PGM3: variants seen among roughly 807,000 people sequenced by gnomAD.
PGM3 encodes phosphoglucomutase 3, also known as phosphoacetylglucosamine mutase.
PGM3 carries 40 observed loss-of-function variants against 66.2 expected under a neutral mutation model. The ratio of observed to expected loss-of-function variants is 0.60; its 90% CI spans 0.47 to 0.79. The LOEUF (loss-of-function observed/expected upper bound fraction) is 0.79. PGM3 is among the 30% of genes least tolerant of loss of function. The probability of loss-of-function intolerance (pLI) is 0.00; values close to 1 mark genes in which losing one functional copy is unlikely to be tolerated. For synonymous variants in PGM3, 191 were observed against 224.2 expected, an observed-to-expected ratio of 0.85 and a Z score of 1.32; for missense variants, 537 against 643.4, an observed-to-expected ratio of 0.83 and a Z score of 1.79.
downstream of PGM3, among the ~76,000 whole-genome samples, chr6:83,161,699 T>C (rs1455215068): frequency 6.6e-6 from 1 of 152,194 alleles, no homozygotes; most frequent in Non-Finnish European, 1.5e-5. Context: ...TCCTTTTACT[T>C]TTAGTAACAG....
chr6:83,176,369 T>C (rs1284209677), intron 8 of PGM3, among the ~76,000 whole-genome samples: 1 of 152,192 alleles, frequency 6.6e-6, no homozygotes, highest in African/African-American at 2.4e-5. Flanking sequence ...GTGTGGAGAA[T>C]AGCTTAGAGC....
At chr6:83,190,698 G>A (rs1788976695) in intron 2 of PGM3, 111 bp downstream of exon 2, 2 of 832,858 alleles carry the variant, frequency 2.4e-6, no homozygotes, top group African/African-American at 1.7e-5. Context: ...ACATATAAAT[G>A]AGAAGGCACA....
At chr6:83,150,849 A>G in the PGM3 span, among the ~76,000 whole-genome samples, 1 of 152,206 alleles carries the variant, frequency 6.6e-6, no homozygotes, top group Non-Finnish European at 1.5e-5. Flanking sequence ...TACACAAATA[A>G]TTAGTACACA....
chr6:83,177,890 T>C (rs187826503), intron 8 of PGM3, among the ~76,000 whole-genome samples: 3 of 152,208 alleles, frequency 2.0e-5, no homozygotes, highest in South Asian at 2.1e-4. Flanking sequence ...CTTACCCTCA[T>C]GTTTCCTCTC....
intron 11 of PGM3, chr6:83,170,908 G>A (rs2128480699): frequency 6.3e-6 from 1 of 158,350 alleles, no homozygotes. Context: ...TGGTGAATGT[G>A]TAAACTGGCA....
Position 83,168,359 on chromosome 6 carries a change from A to G in PGM3, c.*875T>C. 1 of 1,395,978 alleles carries G rather than the reference A, an allele frequency of 7.2e-7. No individual in the cohort carries two copies. The highest frequency in any genetic ancestry group is 9.3e-7 in the Non-Finnish European group (1 of 1,079,240). The allele number at this position is 1,395,978 out of a possible 1,614,324, so 86.5% of individuals were successfully genotyped here. On this transcript the variant is annotated 3_prime_UTR_variant, in exon 13 of 13. Coordinates refer to ENST00000513973, the MANE Select transcript of PGM3 (RefSeq NM_015599.3). The stretch of plus-strand genomic sequence containing the variant: ...AATCAAGTTTAAATATTGTTGGCTC[A>G]TACTGATTATGGTGCCTAAGAGAGC...
chr6:83,168,238 G>A lies in PGM3; in HGVS notation c.*996C>T, dbSNP rs1786333578. 3.3e-6 allele frequency: 5 copies of A among 1,494,340 alleles called. No homozygotes were observed. Among genetic ancestry groups the A allele is most frequent in the Non-Finnish European group, 2.7e-6 (3 of 1,130,110 alleles). 92.6% of individuals were successfully genotyped at this position (1,494,340 alleles called of 1,614,324 possible). Reference sequence around the variant, plus strand: ...TAAAACACACACACTGCTCTGCGTTGTATAGTTTTTCCTTTTTTGTATGTA... The same window carrying A: ...TAAAACACACACACTGCTCTGCGTTATATAGTTTTTCCTTTTTTGTATGTA... On this transcript the variant is annotated 3_prime_UTR_variant, in exon 13 of 13. Coordinates refer to ENST00000513973, the MANE Select transcript of PGM3 (RefSeq NM_015599.3).
downstream of PGM3, among the ~76,000 whole-genome samples, chr6:83,159,498 C>G (rs887348838): frequency 6.6e-6 from 1 of 151,928 alleles, no homozygotes; most frequent in Non-Finnish European, 1.5e-5. Context: ...ATCATGTTGC[C>G]CAGGCTGGTC....
chr6:83,177,239 T>C (rs577430483), intron 8 of PGM3, among the ~76,000 whole-genome samples: 15 of 152,034 alleles, frequency 9.9e-5, no homozygotes, highest in East Asian at 7.7e-4. Flanking sequence ...AAAACTAGTA[T>C]AAATGCCAGA....
At chr6:83,156,226 A>AT (rs1191819773), downstream of PGM3, 8 of 718,246 alleles carry the variant, frequency 1.1e-5, no homozygotes, top group Non-Finnish European at 1.7e-5. Context: ...GGAATTAGAA[A>AT]TTTTTCTACT....
chr6:83,166,416 C>T lies in PGM3; in HGVS notation c.*2818G>A, dbSNP rs1056919281. The T allele has an allele frequency of 1.7e-5, 12 of 702,020 alleles. No homozygotes were observed. The African/African-American group carries it at 1.9e-4, about 11-fold the overall frequency. The allele number at this position is 702,020 out of a possible 1,614,324, so 43.5% of individuals were successfully genotyped here. A position where few individuals can be genotyped will look rare whatever the true frequency, so the allele number is the denominator to read the frequency against. ...GGCACTGTATGTTCATTAGCAGTTC[C>T]TGGGCCAAATGCATTGTTGATGTTG... On this transcript the variant is annotated 3_prime_UTR_variant, in exon 13 of 13. Coordinates refer to ENST00000513973, the MANE Select transcript of PGM3 (RefSeq NM_015599.3).
chr6:83,182,332 C>G (rs1351992305), intron 5 of PGM3, among the ~76,000 whole-genome samples: 2 of 151,928 alleles, frequency 1.3e-5, no homozygotes, highest in African/African-American at 4.8e-5. Context: ...TGTTTTTTTT[C>G]TAATTGTCTC....
downstream of PGM3, among the ~76,000 whole-genome samples, chr6:83,156,326 T>C (rs761821437): frequency 6.6e-6 from 1 of 152,216 alleles, no homozygotes; most frequent in Non-Finnish European, 1.5e-5. Context: ...TTTTATTGTT[T>C]AGTTCAAATT....
chr6:83,158,170 G>A (rs1783269314), downstream of PGM3, among the ~76,000 whole-genome samples: 1 of 151,608 alleles, frequency 6.6e-6, no homozygotes, highest in Admixed American at 6.6e-5. Context: ...AGCTAATTTT[G>A]TTTTGTATTT....
In PGM3 at chr6:83,168,078, G is replaced by A. The variant is rs1269627091; in HGVS notation, c.*1156C>T. ...CTTCCCTAATAAGGACATGAAACTGGAGAACCACAAACCATGTTCCAGCAA... is the reference window on the plus strand; with the variant it reads ...CTTCCCTAATAAGGACATGAAACTGAAGAACCACAAACCATGTTCCAGCAA... On this transcript the variant is annotated 3_prime_UTR_variant, in exon 13 of 13. Transcript: ENST00000513973. The A allele has an allele frequency of 3.1e-6, 5 of 1,614,158 alleles. No individual in the cohort carries two copies. The Middle Eastern group carries it at 4.9e-4, about 160-fold the overall frequency.
At chr6:83,158,677 C>G (rs1463408897), downstream of PGM3, 1 of 1,181,008 alleles carries the variant, frequency 8.5e-7, no homozygotes, top group African/African-American at 1.5e-5. Flanking sequence ...TGAAATTATT[C>G]AGAATATTAC....
chr6:83,153,643 T>C, the PGM3 span: 2 of 1,521,042 alleles, frequency 1.3e-6, no homozygotes, highest in Non-Finnish European at 1.8e-6. Flanking sequence ...TTTAAATAGT[T>C]TTTAAAATTA....
At chr6:83,169,443 A>T (rs1786602187) in intron 12 of PGM3, 120 bp from the exon 13 acceptor site, 1 of 1,188,732 alleles carries the variant, frequency 8.4e-7, no homozygotes, top group East Asian at 2.5e-5. Context: ...TGTTTCACTA[A>T]CAAATTCTAA....
intron 2 of PGM3, among the ~76,000 whole-genome samples, chr6:83,190,340 T>C (rs1788951239): frequency 6.6e-6 from 1 of 152,214 alleles, no homozygotes; most frequent in Non-Finnish European, 1.5e-5. Context: ...AGACTAGAAC[T>C]ATCAGGCGTC....
Sources: allele counts gnomAD v4.1 joint callset (sites outside exome capture counted in the v4.1 genomes callset), GRCh38; gene constraint gnomAD v4.1.1; transcripts MANE v1.5; gene names NCBI Gene and HGNC (gene_info 2026-07-23, HGNC 2026-07-21).